SLC8A3: variants seen among roughly 807,000 people sequenced by gnomAD.
SLC8A3 encodes the protein solute carrier family 8 member A3, also known as sodium/calcium exchanger 3.
In SLC8A3, 37 loss-of-function variants were observed where a neutral mutation model predicts 65.4. The observed-to-expected ratio is 0.57, with a 90% CI of 0.44 to 0.74. SLC8A3 has a LOEUF of 0.74. Ranked by LOEUF, SLC8A3 falls within the 30% of genes least tolerant of loss-of-function variation. The pLI is 0.00. For missense variants in SLC8A3, 1,112 were observed against 1,172.1 expected, an observed-to-expected ratio of 0.95 and a Z score of 0.75; for synonymous variants, 461 against 444.5, an observed-to-expected ratio of 1.04 and a Z score of -0.47.
At position 70,167,449 on chromosome 14, in the gene SLC8A3, T is replaced by G; in HGVS notation, c.974A>C (p.Gln325Pro). Residue 325 changes from glutamine (Q) to proline (P), a missense_variant, in exon 2 of 7, where the codon CAA (glutamine) becomes CCA (proline). Gln to Pro is a moderately conservative substitution (Grantham distance 76). Transcript: ENST00000356921. ...EMIRILKDLK[Q>P]KHPEKDLDQL... ...ATCTAAGTCCTTCTCTGGGTGTTTT[T>G]GCTTCAGATCCTTGAGAATCCGGAT... 6.2e-7 allele frequency: 1 copy of G among 1,614,170 alleles called. No homozygotes were observed. Among genetic ancestry groups the G allele is most frequent in the Non-Finnish European group, 8.5e-7 (1 of 1,180,030 alleles).
At chr14:70,141,574 G>A (rs1302617893) in intron 2 of SLC8A3, among the ~76,000 whole-genome samples, 1 of 152,166 alleles carries the variant, frequency 6.6e-6, no homozygotes, top group Admixed American at 6.5e-5. Context: ...TCATAAATGT[G>A]GTAGGAGCAT....
chr14:70,133,549 G>A (rs113572735), intron 2 of SLC8A3, among the ~76,000 whole-genome samples: 6,456 of 152,190 alleles, frequency 0.042, 435 homozygotes, highest in African/African-American at 0.14. Flanking sequence ...GACAAATTCC[G>A]TGCACGGACC....
intron 2 of SLC8A3, among the ~76,000 whole-genome samples, chr14:70,155,405 A>G (rs1342535188): frequency 6.6e-6 from 1 of 152,076 alleles, no homozygotes; most frequent in Non-Finnish European, 1.5e-5. Context: ...TCCTCTAATA[A>G]CTACAATTCT....
chr14:70,102,440 TA>T (rs1892605280), intron 2 of SLC8A3, among the ~76,000 whole-genome samples: 1 of 151,966 alleles, frequency 6.6e-6, no homozygotes, highest in South Asian at 2.1e-4. Context: ...CAGCAAACAA[TA>T]AATAATTACT....
intron 2 of SLC8A3, chr14:70,063,799 A>G (rs1180003275): frequency 9.2e-6 from 11 of 1,192,886 alleles, no homozygotes; most frequent in Non-Finnish European, 1.4e-5. Context: ...TGTTAGTGTT[A>G]GTGTGGAGGA....
At chr14:70,073,157 G>T (rs538042703) in intron 2 of SLC8A3, among the ~76,000 whole-genome samples, 1 of 151,834 alleles carries the variant, frequency 6.6e-6, no homozygotes, top group Non-Finnish European at 1.5e-5. Context: ...TTATATTACT[G>T]CTTATGTGTG....
rs548106701 is a variant in SLC8A3, at chr14:70,079,071, T to G, written c.1785-18132A>C. On this transcript the variant is annotated intron_variant, in intron 2 of 6. Coordinates refer to ENST00000356921, the MANE Select transcript of SLC8A3 (RefSeq NM_182932.3). Reference sequence around the variant, plus strand: ...GTAAAGAATCAATCAATTGTATAATTGTTTCCTTATTTGTCTTCTCCACTA... The same window carrying G: ...GTAAAGAATCAATCAATTGTATAATGGTTTCCTTATTTGTCTTCTCCACTA... Among the ~76,000 whole-genome samples the G allele has an allele frequency of 5.6e-4, 85 of 152,306 alleles. No individual in the cohort carries two copies. In the Middle Eastern group the frequency reaches 0.031, roughly 55 times the overall value.
intron 2 of SLC8A3, among the ~76,000 whole-genome samples, chr14:70,079,330 C>CAAAAAAAA (rs11464342): frequency 1.2e-3 from 99 of 80,924 alleles, no homozygotes; most frequent in African/African-American, 2.9e-3. Flanking sequence ...CTAAAAAATA[C>CAAAAAAAA]AAAAAAAAAA....
intron 2 of SLC8A3, among the ~76,000 whole-genome samples, chr14:70,152,628 C>T (rs554171649): frequency 6.6e-6 from 1 of 152,116 alleles, no homozygotes; most frequent in Non-Finnish European, 1.5e-5. Flanking sequence ...CTCCTACACA[C>T]CCAAGAAAAA....
intron 2 of SLC8A3, among the ~76,000 whole-genome samples, chr14:70,124,861 G>T (rs1290252465): frequency 6.6e-6 from 1 of 152,178 alleles, no homozygotes; most frequent in Non-Finnish European, 1.5e-5. Context: ...AGAGAAAAAG[G>T]GTGCCAAAAT....
At chr14:70,186,924 TA>T (rs1883278353) in intron 1 of SLC8A3, among the ~76,000 whole-genome samples, 1 of 152,146 alleles carries the variant, frequency 6.6e-6, no homozygotes, top group Non-Finnish European at 1.5e-5. Flanking sequence ...AAAATCGAGG[TA>T]AACAAGAGCT....
intron 2 of SLC8A3, among the ~76,000 whole-genome samples, chr14:70,102,787 A>G (rs1270051506): frequency 6.6e-6 from 1 of 152,146 alleles, no homozygotes; most frequent in African/African-American, 2.4e-5. Flanking sequence ...AAAATTGAAA[A>G]ATGAACAGAG....
Position 70,166,902 on chromosome 14 carries a change from G to A in SLC8A3, c.1521C>T (p.Pro507=), listed in dbSNP as rs890730314. ...GMPPAIFNSL[P]LPRAVLASPC... ...GGGAGGCTAGGACAGCCCGAGGCAAGGGAAGACTGTTGAATATTGCTGGAG... is the reference window on the plus strand; with the variant it reads ...GGGAGGCTAGGACAGCCCGAGGCAAAGGAAGACTGTTGAATATTGCTGGAG... The change falls in exon 2 of 7, where the codon CCC becomes CCT. Residue 507 remains proline (P), a synonymous_variant. Transcript: ENST00000356921. 6.2e-7 allele frequency: 1 copy of A among 1,614,138 alleles called. No individual in the cohort carries two copies. The highest frequency in any genetic ancestry group is 1.7e-5 in the Admixed American group (1 of 60,028).
intron 2 of SLC8A3, among the ~76,000 whole-genome samples, chr14:70,062,115 G>A (rs1473278356): frequency 5.9e-5 from 1 of 17,090 alleles, no homozygotes; most frequent in Admixed American, 5.1e-4. Context: ...TTTGGCGGGG[G>A]GCGGGGGGGA....
chr14:70,075,446 A>C (rs1282043889), intron 2 of SLC8A3, among the ~76,000 whole-genome samples: 1 of 152,140 alleles, frequency 6.6e-6, no homozygotes, highest in Non-Finnish European at 1.5e-5. Context: ...GTCTTCTTTG[A>C]GGACATTGCC....
chr14:70,172,661 G>C (rs1804458189), intron 1 of SLC8A3, among the ~76,000 whole-genome samples: 1 of 149,882 alleles, frequency 6.7e-6, no homozygotes, highest in South Asian at 2.1e-4. Context: ...CCTGGTATTA[G>C]ACGCTGGTGG....
At position 70,171,061 on chromosome 14, in the gene SLC8A3, C is replaced by T. The variant is rs373958418; in HGVS notation, c.-62-2577G>A. On this transcript the variant is annotated intron_variant, in intron 1 of 6. Coordinates refer to ENST00000356921, the MANE Select transcript of SLC8A3 (RefSeq NM_182932.3). ...CTAGAGAAATGTGGAGAGAAAAGGA[C>T]CTTGGCTCTTTACTTTGACCTCTGA... 1.8e-4 allele frequency among the ~76,000 whole-genome samples: 28 copies of T among 152,324 alleles called. No homozygotes were observed. The South Asian group carries it at 5.4e-3, about 29-fold the overall frequency.
chr14:70,050,868 A>G (rs1050104004), intron 5 of SLC8A3, 140 bp downstream of exon 5: 1 of 587,332 alleles, frequency 1.7e-6, no homozygotes, highest in Non-Finnish European at 3.1e-6. Flanking sequence ...TTCTTTTCCA[A>G]GCAGGCACCT....
intron 2 of SLC8A3, among the ~76,000 whole-genome samples, chr14:70,125,057 C>T (rs1894350258): frequency 6.6e-6 from 1 of 152,152 alleles, no homozygotes; most frequent in South Asian, 2.1e-4. Context: ...AGGAGATACT[C>T]AATAAATATT....
Sources: gnomAD v4.1 joint callset for allele counts (sites outside exome capture counted in the v4.1 genomes callset) on GRCh38, gnomAD v4.1.1 for gene constraint, MANE v1.5 for transcripts, NCBI Gene and HGNC (gene_info 2026-07-23, HGNC 2026-07-21) for gene names.